Variants in TSPAN9 observed in about 807,000 individuals in gnomAD.
The protein encoded by TSPAN9 is tetraspanin 9.
TSPAN9 carries 16 observed loss-of-function variants against 31.0 expected under a neutral mutation model. That is an observed-to-expected ratio of 0.52 (90% CI 0.35 to 0.78). The LOEUF is 0.78. Ranked by LOEUF, TSPAN9 falls within the 30% of genes least tolerant of loss-of-function variation. The pLI, the probability that TSPAN9 is intolerant of heterozygous loss-of-function variation, is 0.01. For synonymous variants in TSPAN9, 145 were observed against 121.6 expected (o/e 1.19, Z -1.27); for missense variants, 272 against 312.5 (o/e 0.87, Z 0.98).
At chr12:3,214,707 A>G (rs1195906091) in intron 3 of TSPAN9, among the ~76,000 whole-genome samples, 2 of 150,750 alleles carry the variant, frequency 1.3e-5, no homozygotes, top group Admixed American at 6.6e-5. Flanking sequence ...CCCTCTAAGC[A>G]GGTAATGAGG....
At chr12:3,209,288 C>T (rs910280992) in intron 3 of TSPAN9, among the ~76,000 whole-genome samples, 1 of 151,990 alleles carries the variant, frequency 6.6e-6, no homozygotes, top group Non-Finnish European at 1.5e-5. Flanking sequence ...TCTGGATTCA[C>T]GCACGTTGAT....
Position 3,128,218 on chromosome 12 carries a change from G to A in TSPAN9, c.-18+44499G>A, listed in dbSNP as rs764298217. On this transcript the variant is annotated intron_variant, in intron 2 of 8. Coordinates refer to ENST00000011898, the MANE Select transcript of TSPAN9 (RefSeq NM_006675.5). Reference sequence around the variant, plus strand: ...TGTTCTCAAGTTGTTTGGGGTGGCAGACTGAGCCAGGGATGTGGTTCAGTG... The same window carrying A: ...TGTTCTCAAGTTGTTTGGGGTGGCAAACTGAGCCAGGGATGTGGTTCAGTG... Among the ~76,000 whole-genome samples, 5 of 152,178 alleles carry A rather than the reference G, an allele frequency of 3.3e-5. 1 individual carries two copies. The South Asian group carries it at 1.0e-3, about 32-fold the overall frequency.
chr12:3,145,809 A>G (rs2098336906), intron 2 of TSPAN9, among the ~76,000 whole-genome samples: 1 of 152,230 alleles, frequency 6.6e-6, no homozygotes, highest in Non-Finnish European at 1.5e-5. Flanking sequence ...CAGGCTGGGA[A>G]ATCGGAAATG....
intron 3 of TSPAN9, among the ~76,000 whole-genome samples, chr12:3,244,349 G>T (rs1298216863): frequency 1.3e-5 from 2 of 152,126 alleles, no homozygotes; most frequent in Non-Finnish European, 2.9e-5. Flanking sequence ...CTCCCTCAAG[G>T]CCTGTGGACA....
chr12:3,085,783 C>A (rs952500659), intron 2 of TSPAN9, among the ~76,000 whole-genome samples: 1 of 152,160 alleles, frequency 6.6e-6, no homozygotes, highest in Non-Finnish European at 1.5e-5. Context: ...GGCTTCCAGT[C>A]CTGGGCCTGC....
chr12:3,117,590 G>A (rs2098323033), intron 2 of TSPAN9, among the ~76,000 whole-genome samples: 1 of 152,168 alleles, frequency 6.6e-6, no homozygotes, highest in African/African-American at 2.4e-5. Flanking sequence ...CTGCCCCGGG[G>A]CAGGCAGCAC....
intron 2 of TSPAN9, among the ~76,000 whole-genome samples, chr12:3,175,659 C>T (rs996419602): frequency 6.6e-6 from 1 of 152,218 alleles, no homozygotes; most frequent in African/African-American, 2.4e-5. Context: ...GGGAGTGCAT[C>T]TAGCCCAGAT....
At chr12:3,184,433 GAGAA>G (rs1018548545) in intron 2 of TSPAN9, among the ~76,000 whole-genome samples, 3 of 151,582 alleles carry the variant, frequency 2.0e-5, no homozygotes, top group Admixed American at 6.6e-5. Context: ...AAGAGAGAGA[GAGAA>G]AGAAAGAGAG....
At chr12:3,124,704 C>G (rs1047009366) in intron 2 of TSPAN9, 1 of 152,022 alleles carries the variant, frequency 6.6e-6, no homozygotes, top group Non-Finnish European at 1.5e-5. Flanking sequence ...GCCACCGCGC[C>G]CAGCCTGATG....
intron 2 of TSPAN9, among the ~76,000 whole-genome samples, chr12:3,133,490 A>G (rs2098330740): frequency 6.6e-6 from 1 of 152,176 alleles, no homozygotes; most frequent in Non-Finnish European, 1.5e-5. Context: ...TCCCAGGGGA[A>G]ATCACAGGAG....
In TSPAN9 at chr12:3,282,081, T is replaced by G. The variant is rs1862906359; in HGVS notation, c.648+264T>G. 20 of 661,458 alleles carry G rather than the reference T, an allele frequency of 3.0e-5. No homozygotes were observed. In the South Asian group the frequency reaches 3.4e-4, roughly 11 times the overall value. 41.0% of individuals were successfully genotyped at this position (661,458 alleles called of 1,614,324 possible). A position where few individuals can be genotyped will look rare whatever the true frequency, so the allele number is the denominator to read the frequency against. On this transcript the variant is annotated intron_variant, in intron 8 of 8. Transcript: ENST00000011898. ...ATATTGAAGCTGGAGTCAACCCCCG[T>G]GGGTTCCCCCAGTTCTGCCCAAACC...
At chr12:3,102,282 C>T (rs1159320054) in intron 2 of TSPAN9, among the ~76,000 whole-genome samples, 2 of 151,990 alleles carry the variant, frequency 1.3e-5, no homozygotes, top group African/African-American at 4.8e-5. Flanking sequence ...TGCCATCATG[C>T]CCTGCCAACA....
intron 3 of TSPAN9, among the ~76,000 whole-genome samples, chr12:3,259,053 A>T (rs1351217453): frequency 6.6e-6 from 1 of 152,330 alleles, no homozygotes; most frequent in East Asian, 1.9e-4. Flanking sequence ...AAGGAATTTT[A>T]CATGAATGTC....
chr12:3,155,607 AAAT>A (rs1274940553), intron 2 of TSPAN9, among the ~76,000 whole-genome samples: 2 of 149,250 alleles, frequency 1.3e-5, no homozygotes, highest in Non-Finnish European at 1.5e-5. Context: ...AAAAAAAAAA[AAAT>A]AAAGAGGGAG....
intron 3 of TSPAN9, among the ~76,000 whole-genome samples, chr12:3,212,222 G>A (rs1204053874): frequency 1.3e-5 from 2 of 151,344 alleles, no homozygotes; most frequent in Admixed American, 1.3e-4. Context: ...TGCCAGCCTC[G>A]GCCTCCCAAA....
rs535444928 is a variant in TSPAN9, at chr12:3,150,490, A to C, written c.-17-50687A>C. Among the ~76,000 whole-genome samples, 11 of 152,098 alleles carry C rather than the reference A, an allele frequency of 7.2e-5. No individual in the cohort carries two copies. In the East Asian group the frequency reaches 2.1e-3, roughly 29 times the overall value. On this transcript the variant is annotated intron_variant, in intron 2 of 8. Transcript: ENST00000011898. The stretch of plus-strand genomic sequence containing the variant: ...GGTTTCAGTCTGTGGCCCGGTGTGA[A>C]TCTTTGGTTTCTTGTCTACATGCTG...
At chr12:3,125,670 A>T (rs951499282) in intron 2 of TSPAN9, among the ~76,000 whole-genome samples, 2 of 152,018 alleles carry the variant, frequency 1.3e-5, no homozygotes, top group African/African-American at 4.8e-5. Flanking sequence ...CAGATAGAAG[A>T]ATTTGCGACT....
intron 2 of TSPAN9, among the ~76,000 whole-genome samples, chr12:3,111,085 T>G (rs1045599946): frequency 6.6e-6 from 1 of 152,074 alleles, no homozygotes; most frequent in Non-Finnish European, 1.5e-5. Flanking sequence ...CAGGTGCGAG[T>G]GCTGGGATGT....
At position 3,192,460 on chromosome 12, in the gene TSPAN9, G is replaced by A. The variant is rs539189236; in HGVS notation, c.-17-8717G>A. 3.9e-5 allele frequency among the ~76,000 whole-genome samples: 6 copies of A among 152,158 alleles called. No individual in the cohort carries two copies. Among genetic ancestry groups the A allele is most frequent in the Non-Finnish European group, 7.3e-5 (5 of 68,038 alleles). On this transcript the variant is annotated intron_variant, in intron 2 of 8. Coordinates refer to ENST00000011898, the MANE Select transcript of TSPAN9 (RefSeq NM_006675.5). This position sits in a 1 kb window ranked among gnomAD's most constrained non-coding sequence, Gnocchi z 4.6. ...TGCGGCTTGGACTTGTGTTTGCTTCGAGGTGGGAGCAAGTGACAACCGGGA... is the reference window on the plus strand; with the variant it reads ...TGCGGCTTGGACTTGTGTTTGCTTCAAGGTGGGAGCAAGTGACAACCGGGA...
Sources: allele counts gnomAD v4.1 joint callset (sites outside exome capture counted in the v4.1 genomes callset), GRCh38; gene constraint gnomAD v4.1.1; non-coding constraint Gnocchi (gnomAD v3.1); transcripts MANE v1.5; gene names NCBI Gene and HGNC (gene_info 2026-07-23, HGNC 2026-07-21).